The following CCDC148 variants were observed in gnomAD, a reference collection of about 807,000 sequenced individuals.
CCDC148 encodes the protein coiled-coil domain-containing protein 148.
CCDC148 carries 89 observed loss-of-function variants against 85.7 expected under a neutral mutation model. The observed-to-expected ratio is 1.04, with a 90% CI of 0.87 to 1.24. The LOEUF (loss-of-function observed/expected upper bound fraction) is 1.24. Among genes scored for constraint, CCDC148 ranks in the 50% most tolerant of loss-of-function variants. The pLI, the probability that CCDC148 is intolerant of heterozygous loss-of-function variation, is 0.00. For missense variants in CCDC148, 692 were observed against 671.7 expected, an observed-to-expected ratio of 1.03 and a Z score of -0.33; for synonymous variants, 230 against 213.9, an observed-to-expected ratio of 1.08 and a Z score of -0.66.
At chr2:158,174,517 G>C (rs1227253460) in intron 13 of CCDC148, among the ~76,000 whole-genome samples, 2 of 151,452 alleles carry the variant, frequency 1.3e-5, no homozygotes, top group Admixed American at 6.6e-5. Flanking sequence ...TTACAGTTGT[G>C]TGTCACATAA....
At chr2:158,199,517 T>C (rs906217095) in intron 11 of CCDC148, among the ~76,000 whole-genome samples, 1 of 152,206 alleles carries the variant, frequency 6.6e-6, no homozygotes, top group Non-Finnish European at 1.5e-5. Flanking sequence ...AGTGCTGGGA[T>C]TACAAGTGTG....
intron 2 of CCDC148, among the ~76,000 whole-genome samples, chr2:158,350,358 T>A (rs752766451): frequency 2.6e-4 from 40 of 152,186 alleles, no homozygotes; most frequent in Non-Finnish European, 4.1e-4. Flanking sequence ...ACATCTCGAA[T>A]GGATGGATGG....
intron 11 of CCDC148, among the ~76,000 whole-genome samples, chr2:158,217,064 T>C (rs1030297576): frequency 4.6e-5 from 7 of 152,036 alleles, no homozygotes; most frequent in African/African-American, 1.7e-4. Context: ...TTAATCTCAA[T>C]GGCATGTTGA....
At chr2:158,253,064 C>T (rs1688860853) in intron 9 of CCDC148, among the ~76,000 whole-genome samples, 1 of 151,656 alleles carries the variant, frequency 6.6e-6, no homozygotes, top group Admixed American at 6.6e-5. Flanking sequence ...ACATGACTGT[C>T]TCTTTACATT....
At chr2:158,434,296 A>T (rs1041183790) in intron 1 of CCDC148, among the ~76,000 whole-genome samples, 7 of 152,172 alleles carry the variant, frequency 4.6e-5, no homozygotes, top group African/African-American at 1.4e-4. Flanking sequence ...TCAGGCAGCA[A>T]CATTTGTCAT....
In CCDC148 at chr2:158,363,570, A is replaced by C. The variant is rs183668574; in HGVS notation, c.26-5000T>G. Among the ~76,000 whole-genome samples the C allele has an allele frequency of 5.1e-4, 77 of 152,336 alleles. No individual in the cohort carries two copies. The East Asian group carries it at 0.014, about 29-fold the overall frequency. On this transcript the variant is annotated intron_variant, in intron 1 of 13. Coordinates refer to ENST00000283233, the MANE Select transcript of CCDC148 (RefSeq NM_138803.4). ...CAGAACCAAGGACATAAACCATATG[A>C]TTATCTCAATAGATGCAGAAAAGGC...
intron 11 of CCDC148, among the ~76,000 whole-genome samples, chr2:158,200,963 A>T (rs893285027): frequency 6.6e-6 from 1 of 151,840 alleles, no homozygotes; most frequent in African/African-American, 2.4e-5. Context: ...GCCTAAACTC[A>T]CCCCATAATT....
chr2:158,177,767 C>T (rs77648010), intron 12 of CCDC148, among the ~76,000 whole-genome samples: 1,757 of 152,136 alleles, frequency 0.012, 20 homozygotes, highest in African/African-American at 0.039. Flanking sequence ...ATATAATAGT[C>T]GTATGCATTT....
chr2:158,305,769 A>C (rs1691655764), intron 9 of CCDC148, among the ~76,000 whole-genome samples: 1 of 151,252 alleles, frequency 6.6e-6, no homozygotes, highest in Non-Finnish European at 1.5e-5. Context: ...AAAAAAAAAA[A>C]AAAAAAAAAA....
At position 158,284,618 on chromosome 2, in the gene CCDC148, A is replaced by G. The variant is rs77044053; in HGVS notation, c.1110+24815T>C. Among the ~76,000 whole-genome samples the G allele has an allele frequency of 5.2e-3, 798 of 152,302 alleles. 6 individuals carry two copies. Among genetic ancestry groups the G allele is most frequent in the African/African-American group, 0.018 (748 of 41,584 alleles). On this transcript the variant is annotated intron_variant, in intron 9 of 13. Transcript: ENST00000283233. The stretch of plus-strand genomic sequence containing the variant: ...GGATCCTTGATAACTGGAGCAATTA[A>G]AAAGGCTTCAAGCTTTGGTCCTGGA...
At chr2:158,254,403 A>G (rs1438715029) in intron 9 of CCDC148, among the ~76,000 whole-genome samples, 1 of 151,680 alleles carries the variant, frequency 6.6e-6, no homozygotes, top group Non-Finnish European at 1.5e-5. Context: ...TCTTACTATT[A>G]TTTCAAGGGG....
chr2:158,371,118 T>C (rs1349012833), intron 1 of CCDC148, among the ~76,000 whole-genome samples: 1 of 151,968 alleles, frequency 6.6e-6, no homozygotes, highest in East Asian at 1.9e-4. Context: ...AACACTACCA[T>C]GGTATGCCTA....
rs116834596 is a variant in CCDC148 at position 158,284,966 on chromosome 2, T to A, written c.1110+24467A>T. ...ATTTTGAAAAATAAGCAAATATCAA[T>A]TCCAAAACTGATAACTGATATTAAG... On this transcript the variant is annotated intron_variant, in intron 9 of 13. Coordinates refer to ENST00000283233, the MANE Select transcript of CCDC148 (RefSeq NM_138803.4). Among the ~76,000 whole-genome samples the A allele has an allele frequency of 5.3e-3, 807 of 152,214 alleles. 7 individuals are homozygous for A. The highest frequency in any genetic ancestry group is 0.018 in the African/African-American group (757 of 41,534).
At chr2:158,330,182 A>C (rs1693020787) in intron 7 of CCDC148, among the ~76,000 whole-genome samples, 1 of 152,160 alleles carries the variant, frequency 6.6e-6, no homozygotes, top group African/African-American at 2.4e-5. Context: ...GATACGTCCC[A>C]TCAATACCTA....
At chr2:158,424,139 C>T (rs928588724) in intron 1 of CCDC148, among the ~76,000 whole-genome samples, 2 of 152,170 alleles carry the variant, frequency 1.3e-5, no homozygotes, top group African/African-American at 4.8e-5. Context: ...CTAGTTCAAC[C>T]ATTGTGGAAG....
chr2:158,310,092 T>C (rs1169599187), intron 8 of CCDC148, among the ~76,000 whole-genome samples: 1 of 152,196 alleles, frequency 6.6e-6, no homozygotes, highest in Non-Finnish European at 1.5e-5. Flanking sequence ...TGTTTGTGTC[T>C]CTGGGTACTT....
At chr2:158,423,086 G>A (rs564231060) in intron 1 of CCDC148, among the ~76,000 whole-genome samples, 15 of 152,038 alleles carry the variant, frequency 9.9e-5, no homozygotes, top group South Asian at 2.1e-4. Flanking sequence ...AAAGAGGACC[G>A]AAACAAATGG....
At chr2:158,176,858 T>C (rs1684615433) in intron 12 of CCDC148, among the ~76,000 whole-genome samples, 197 bp from the exon 13 acceptor site, 1 of 152,076 alleles carries the variant, frequency 6.6e-6, no homozygotes, top group African/African-American at 2.4e-5. Context: ...ACAATACATA[T>C]AAGACAAAAT....
chr2:158,288,784 C>T, intron 9 of CCDC148: 1 of 400,006 alleles, frequency 2.5e-6, no homozygotes, highest in Non-Finnish European at 4.9e-6. Flanking sequence ...TCTACTGGTA[C>T]CAATTTACTG....
Sources: gnomAD v4.1 joint callset for allele counts (sites outside exome capture counted in the v4.1 genomes callset) on GRCh38, gnomAD v4.1.1 for gene constraint, MANE v1.5 for transcripts, NCBI Gene and HGNC (gene_info 2026-07-23, HGNC 2026-07-21) for gene names.